HEATR5A: variants seen among roughly 807,000 people sequenced by gnomAD.
HEATR5A encodes the protein HEAT repeat-containing protein 5A.
Under a neutral mutation model 218.8 loss-of-function variants are expected in HEATR5A, and 178 were observed. The observed-to-expected ratio is 0.81, with a 90% CI of 0.72 to 0.92. The LOEUF (loss-of-function observed/expected upper bound fraction) is 0.92. Ranked by LOEUF, HEATR5A falls within the 40% of genes least tolerant of loss-of-function variation. The probability of loss-of-function intolerance (pLI) is 0.00; values close to 1 mark genes in which losing one functional copy is unlikely to be tolerated. For synonymous variants in HEATR5A, 864 were observed against 871.6 expected (o/e 0.99, Z 0.15); for missense variants, 2,420 against 2,418.9 (o/e 1.00, Z -0.01).
intron 13 of HEATR5A, among the ~76,000 whole-genome samples, chr14:31,371,304 C>T (rs1902028727): frequency 6.6e-6 from 1 of 152,164 alleles, no homozygotes; most frequent in South Asian, 2.1e-4. Flanking sequence ...TAAGCCATAT[C>T]TTAAATGTAT....
chr14:31,384,865 A>C (rs780683204), intron 9 of HEATR5A, among the ~76,000 whole-genome samples: 3 of 152,078 alleles, frequency 2.0e-5, no homozygotes, highest in African/African-American at 4.8e-5. Flanking sequence ...TGTTGCTCTT[A>C]TAAGAATAAA....
At chr14:31,332,803 T>C (rs914350428) in intron 22 of HEATR5A, among the ~76,000 whole-genome samples, 1 of 151,940 alleles carries the variant, frequency 6.6e-6, no homozygotes, top group African/African-American at 2.4e-5. Flanking sequence ...CTAGCCAACA[T>C]GATGAAACCC....
At chr14:31,341,898 G>A (rs1305332172) in intron 21 of HEATR5A, among the ~76,000 whole-genome samples, 1 of 152,080 alleles carries the variant, frequency 6.6e-6, no homozygotes, top group Non-Finnish European at 1.5e-5. Flanking sequence ...GCAAAGGAGT[G>A]AAAAATTTTT....
intron 14 of HEATR5A, among the ~76,000 whole-genome samples, chr14:31,361,891 C>T (rs999540407): frequency 4.6e-5 from 7 of 151,964 alleles, no homozygotes; most frequent in African/African-American, 1.7e-4. Flanking sequence ...CTTACTATGT[C>T]CTAGAAACTG....
Position 31,293,390 on chromosome 14 carries a change from C to T in HEATR5A, c.6056G>A (p.Ser2019Asn). The stretch of plus-strand genomic sequence containing the variant: ...AGATGTTGGTATCTTGACTTTGACA[C>T]TTTCCTGATTGCCCTTTATAGCAGC... ...LEAAIKGNQE[S>N]VKVKIPTSKY... The change falls in exon 36 of 36, where the codon AGT (serine) becomes AAT (asparagine). Residue 2019 changes from serine to asparagine, a missense_variant. Physicochemically the swap from Ser to Asn is conservative, Grantham distance 46 (BLOSUM62 1). Transcript: ENST00000543095. 1.2e-6 allele frequency: 2 copies of T among 1,613,898 alleles called. No individual in the cohort carries two copies. The highest frequency in any genetic ancestry group is 1.7e-6 in the Non-Finnish European group (2 of 1,179,808).
At chr14:31,295,204 G>T (rs890736655) in intron 34 of HEATR5A, among the ~76,000 whole-genome samples, 4 of 152,092 alleles carry the variant, frequency 2.6e-5, no homozygotes, top group Admixed American at 6.6e-5. Context: ...ATTGCTTTTG[G>T]AATGGGTCCT....
rs1595159987 is a variant in HEATR5A, at chr14:31,383,698, T to C, written c.1419A>G (p.Leu473=). 4 of 1,613,850 alleles carry C rather than the reference T, an allele frequency of 2.5e-6. No individual in the cohort carries two copies. The South Asian group carries it at 4.4e-5, about 18-fold the overall frequency. The change falls in exon 10 of 36, where the codon TTA becomes TTG. Residue 473 remains leucine, a synonymous_variant. Coordinates refer to ENST00000543095, the MANE Select transcript of HEATR5A (RefSeq NM_015473.4). The part of the protein sequence containing the change: ...ISVRLAAAWC[L]HCIAVALPSY... ...AGGGTAATGCCACGGCAATGCAGTG[T>C]AAACACCAAGCTGCTGCTAGTCGAA...
At chr14:31,339,908 T>C (rs1404681817) in intron 21 of HEATR5A, among the ~76,000 whole-genome samples, 1 of 152,224 alleles carries the variant, frequency 6.6e-6, no homozygotes, top group East Asian at 1.9e-4. Context: ...ATAAATCTAC[T>C]AGTCATTTCA....
At chr14:31,410,862 CAA>C (rs1472706402) in intron 1 of HEATR5A, among the ~76,000 whole-genome samples, 1 of 152,094 alleles carries the variant, frequency 6.6e-6, no homozygotes, top group African/African-American at 2.4e-5. Context: ...AAATGAAATT[CAA>C]ACTTAGGATA....
chr14:31,330,886 T>A (rs571425081), intron 22 of HEATR5A, among the ~76,000 whole-genome samples: 7 of 151,212 alleles, frequency 4.6e-5, no homozygotes, highest in African/African-American at 1.7e-4. Context: ...TTCTTTTCTA[T>A]CACATCCTCA....
chr14:31,292,043 A>T lies in HEATR5A; in HGVS notation c.*1262T>A, dbSNP rs1178244667. The T allele has an allele frequency of 6.6e-6, 1 of 152,260 alleles. No homozygotes were observed. Among genetic ancestry groups the T allele is most frequent in the East Asian group, 1.9e-4 (1 of 5,200 alleles). The allele number at this position is 152,260 out of a possible 1,614,324, so 9.4% of individuals were successfully genotyped here. A position where few individuals can be genotyped will look rare whatever the true frequency, so the allele number is the denominator to read the frequency against. ...GATTCACACAGTATAACACTGAAGT[A>T]GAAGGAGAATCAACAATCATGAACA... On this transcript the variant is annotated 3_prime_UTR_variant, in exon 36 of 36. Transcript: ENST00000543095.
chr14:31,410,474 C>G (rs1038007930), intron 1 of HEATR5A, among the ~76,000 whole-genome samples: 1 of 152,170 alleles, frequency 6.6e-6, no homozygotes, highest in South Asian at 2.1e-4. Flanking sequence ...TTATACGTTA[C>G]AAAAACAGGA....
intron 29 of HEATR5A, among the ~76,000 whole-genome samples, chr14:31,308,298 A>G (rs10132718): frequency 0.11 from 17,024 of 152,110 alleles, 2,951 homozygotes; most frequent in African/African-American, 0.37. Context: ...ATCTGAGGTC[A>G]GGAGTTTGAG....
At chr14:31,323,878 A>C (rs1312942722) in intron 23 of HEATR5A, 74 bp from the exon 24 acceptor site, 2 of 1,002,816 alleles carry the variant, frequency 2.0e-6, no homozygotes, top group Non-Finnish European at 2.9e-6. Context: ...AGGAACAAAA[A>C]AATGACTTCA....
At chr14:31,348,331 T>A (rs1901088429) in intron 18 of HEATR5A, among the ~76,000 whole-genome samples, 1 of 152,150 alleles carries the variant, frequency 6.6e-6, no homozygotes, top group Non-Finnish European at 1.5e-5. Flanking sequence ...CTCTCAGCAC[T>A]TTGGGAGGCC....
At chr14:31,346,318 A>G (rs1901019878) in intron 19 of HEATR5A, among the ~76,000 whole-genome samples, 1 of 152,186 alleles carries the variant, frequency 6.6e-6, no homozygotes, top group African/African-American at 2.4e-5. Flanking sequence ...AATATAATAG[A>G]AGCAAAAAGT....
chr14:31,375,045 C>T lies in HEATR5A; in HGVS notation c.1709-77G>A, dbSNP rs1053299376. 7 of 1,174,830 alleles carry T rather than the reference C, an allele frequency of 6.0e-6. No homozygotes were observed. In the Admixed American group the frequency reaches 8.6e-5, roughly 14 times the overall value. The allele number at this position is 1,174,830 out of a possible 1,614,324, so 72.8% of individuals were successfully genotyped here. A position where few individuals can be genotyped will look rare whatever the true frequency, so the allele number is the denominator to read the frequency against. ...TTAAAACTCTATTATTAAGCAGCAA[C>T]TTCTCTCCTAAACATTTTAATTCAT... On this transcript the variant is annotated intron_variant, in intron 11 of 35. Transcript: ENST00000543095.
chr14:31,354,148 G>C (rs1029366068), intron 16 of HEATR5A, among the ~76,000 whole-genome samples: 1 of 151,790 alleles, frequency 6.6e-6, no homozygotes, highest in African/African-American at 2.4e-5. Context: ...CAACCTACAG[G>C]AAGATTACGG....
At chr14:31,390,362 G>A (rs1399666317) in intron 6 of HEATR5A, among the ~76,000 whole-genome samples, 7 of 151,858 alleles carry the variant, frequency 4.6e-5, no homozygotes, top group Non-Finnish European at 1.0e-4. Flanking sequence ...TTATAGAGGG[G>A]GGTAAAGATA....
Sources: allele counts gnomAD v4.1 joint callset (sites outside exome capture counted in the v4.1 genomes callset), GRCh38; gene constraint gnomAD v4.1.1; transcripts MANE v1.5; gene names NCBI Gene and HGNC (gene_info 2026-07-23, HGNC 2026-07-21).